The following SEMA4D variants were observed in gnomAD, a reference collection of about 807,000 sequenced individuals.
SEMA4D encodes semaphorin-4D.
In SEMA4D, 22 loss-of-function variants were observed where a neutral mutation model predicts 74.8. The ratio of observed to expected loss-of-function variants is 0.29; its 90% confidence interval spans 0.21 to 0.42. The LOEUF (loss-of-function observed/expected upper bound fraction) is 0.42, where lower values mean the gene tolerates loss of function less well. SEMA4D is among the 10% of genes least tolerant of loss of function. SEMA4D has a pLI of 1.00. For missense variants in SEMA4D, 937 were observed against 1,118.4 expected, an observed-to-expected ratio of 0.84 and a Z score of 2.31; for synonymous variants, 445 against 463.7, an observed-to-expected ratio of 0.96 and a Z score of 0.52.
chr9:89,437,716 A>AG (rs1329158780), intron 2 of SEMA4D, among the ~76,000 whole-genome samples: 39 of 152,236 alleles, frequency 2.6e-4, no homozygotes, highest in Non-Finnish European at 5.0e-4. Context: ...AAAGGAAGGT[A>AG]GCAACGTGAC....
intron 2 of SEMA4D, among the ~76,000 whole-genome samples, chr9:89,438,282 G>A (rs185198024): frequency 1.1e-3 from 171 of 152,376 alleles, no homozygotes; most frequent in African/African-American, 3.7e-3. Flanking sequence ...AAGGGCTGGG[G>A]GCCTCAGCTG....
intron 1 of SEMA4D, among the ~76,000 whole-genome samples, chr9:89,485,415 A>G (rs1825103645): frequency 6.6e-6 from 1 of 152,200 alleles, no homozygotes. Context: ...AATGCTTCTT[A>G]ACATTCATGA....
chr9:89,469,806 T>C (rs4556180), intron 1 of SEMA4D, among the ~76,000 whole-genome samples: 135,487 of 152,282 alleles, frequency 0.89, 60,556 homozygotes, highest in Middle Eastern at 0.93. Flanking sequence ...TAACATCATA[T>C]TTCATGGTGG....
intron 1 of SEMA4D, among the ~76,000 whole-genome samples, chr9:89,480,983 C>G (rs891240019): frequency 1.3e-5 from 2 of 152,246 alleles, no homozygotes; most frequent in African/African-American, 4.8e-5. Context: ...TCACCTCTCA[C>G]TATCAGTACA....
chr9:89,404,846 ACCCGCCTCAGCAT>A (rs1842969255), intron 3 of SEMA4D, among the ~76,000 whole-genome samples: 1 of 136,228 alleles, frequency 7.3e-6, no homozygotes, highest in Non-Finnish European at 1.6e-5. Flanking sequence ...ATCCTCAGCC[ACCCGCCTCAGCAT>A]CCCAGGAAGT....
intron 2 of SEMA4D, among the ~76,000 whole-genome samples, chr9:89,424,237 C>T (rs1469813054): frequency 2.0e-5 from 3 of 152,156 alleles, no homozygotes; most frequent in Non-Finnish European, 4.4e-5. Context: ...AAGGCATGGA[C>T]GTTAAACACA....
chr9:89,443,808 C>T (rs557293642), intron 2 of SEMA4D, among the ~76,000 whole-genome samples: 1 of 152,358 alleles, frequency 6.6e-6, no homozygotes, highest in East Asian at 1.9e-4. Flanking sequence ...ATAGGTGTGG[C>T]CTGCCCTGCT....
At position 89,460,201 on chromosome 9, in the gene SEMA4D, CCCACAG is replaced by C. The variant is rs1345756237; in HGVS notation, c.-309-4254_-309-4249del. 2.1e-3 allele frequency among the ~76,000 whole-genome samples: 320 copies of C among 152,354 alleles called. 1 individual carries two copies. Among genetic ancestry groups the C allele is most frequent in the African/African-American group, 6.8e-3 (281 of 41,582 alleles). ...CTGTCCTTCTCCAGGCCCCTTGGGT[CCCACAG>C]AGCCAGTGCAGCCCCTCCTGAGAAA... On this transcript the variant is annotated intron_variant, in intron 1 of 15. Coordinates refer to ENST00000422704, the MANE Select transcript of SEMA4D (RefSeq NM_001371194.2).
At chr9:89,446,121 C>T (rs575790368) in intron 2 of SEMA4D, among the ~76,000 whole-genome samples, 1 of 152,282 alleles carries the variant, frequency 6.6e-6, no homozygotes, top group African/African-American at 2.4e-5. Context: ...CAGAATAGCA[C>T]CTGACCACTT....
chr9:89,423,315 C>T (rs1487702362), intron 2 of SEMA4D, among the ~76,000 whole-genome samples: 1 of 152,010 alleles, frequency 6.6e-6, no homozygotes, highest in Admixed American at 6.6e-5. Context: ...CCTCAGCCTC[C>T]CAAGTAGTTG....
chr9:89,386,164 G>C (rs1005790383), intron 13 of SEMA4D: 4 of 815,678 alleles, frequency 4.9e-6, no homozygotes, highest in Admixed American at 1.2e-4. Flanking sequence ...CGTCTCCCCA[G>C]GTCTGCCTTC....
At chr9:89,410,561 C>T (rs185067208) in intron 2 of SEMA4D, among the ~76,000 whole-genome samples, 105 of 152,076 alleles carry the variant, frequency 6.9e-4, no homozygotes, top group Admixed American at 3.2e-3. Flanking sequence ...AAGTTACACA[C>T]GTAGCAGAGA....
chr9:89,379,329 G>A lies in SEMA4D; in HGVS notation c.1964C>T (p.Ala655Val), dbSNP rs751067348. Residue 655 changes from alanine (A) to valine (V), a missense_variant, in exon 16 of 16, where the codon GCC becomes GTC. By Grantham distance (64) the Ala-to-Val change is moderately conservative (BLOSUM62 0). Coordinates refer to ENST00000422704, the MANE Select transcript of SEMA4D (RefSeq NM_001371194.2). ...EVKVVPKPVV[A>V]PTLSVVQTEG... is the part of the protein sequence containing the mutation. ...TGTCTGAACAACTGACAAGGTGGGG[G>A]CCACTACGGGCTTTGGAACCACCTT... The A allele has an allele frequency of 1.5e-5, 25 of 1,614,046 alleles. No homozygotes were observed. Among genetic ancestry groups the A allele is most frequent in the Non-Finnish European group, 2.0e-5 (24 of 1,180,022 alleles).
chr9:89,412,925 G>A (rs913875208), intron 2 of SEMA4D, among the ~76,000 whole-genome samples: 3 of 152,022 alleles, frequency 2.0e-5, no homozygotes, highest in Admixed American at 6.6e-5. Flanking sequence ...CAGATCTGCC[G>A]GCCCTGCGAG....
intron 2 of SEMA4D, among the ~76,000 whole-genome samples, chr9:89,453,452 TTC>T (rs1855119432): frequency 6.6e-6 from 1 of 152,246 alleles, no homozygotes; most frequent in African/African-American, 2.4e-5. Context: ...CTGTGCTCCT[TTC>T]TCTGAGGACG....
chr9:89,462,346 G>A (rs36107253), intron 1 of SEMA4D, among the ~76,000 whole-genome samples: 28,441 of 152,082 alleles, frequency 0.19, 2,874 homozygotes, highest in East Asian at 0.32. Flanking sequence ...GTACATTAAC[G>A]TATGGCACAA....
At chr9:89,439,671 C>T (rs1198231503) in intron 2 of SEMA4D, among the ~76,000 whole-genome samples, 1 of 152,234 alleles carries the variant, frequency 6.6e-6, no homozygotes, top group Non-Finnish European at 1.5e-5. Context: ...GGTGTCAGCT[C>T]AGCCGGCGGC....
chr9:89,369,810 C>T (rs1211391632), intron 16 of SEMA4D, among the ~76,000 whole-genome samples: 1 of 152,200 alleles, frequency 6.6e-6, no homozygotes, highest in Admixed American at 6.5e-5. Context: ...GCTCCACTTG[C>T]CACGGGGCTG....
chr9:89,435,081 C>A (rs1010661819), intron 2 of SEMA4D, among the ~76,000 whole-genome samples: 1 of 152,188 alleles, frequency 6.6e-6, no homozygotes, highest in African/African-American at 2.4e-5. Flanking sequence ...AGCTCAGAGT[C>A]TACCTGGGCA....
Sources: gnomAD v4.1 joint callset for allele counts (sites outside exome capture counted in the v4.1 genomes callset) on GRCh38, gnomAD v4.1.1 for gene constraint, MANE v1.5 for transcripts, NCBI Gene and HGNC (gene_info 2026-07-23, HGNC 2026-07-21) for gene names.